Variants in TCF4 observed in about 807,000 individuals in gnomAD.
The protein encoded by TCF4 is SL3-3 enhancer factor 2.
Under a neutral mutation model 82.1 loss-of-function variants are expected in TCF4, and 3 were observed. The observed-to-expected ratio is 0.04, with a 90% CI of 0.02 to 0.09. The LOEUF is 0.09. Ranked by LOEUF, TCF4 falls within the 10% of genes least tolerant of loss-of-function variation. The pLI is 1.00. For synonymous variants in TCF4, 276 were observed against 309.6 expected (o/e 0.89, Z 1.14); for missense variants, 518 against 852.7 (o/e 0.61, Z 4.89).
chr18:55,321,802 CT>C, intron 8 of TCF4: 2 of 1,511,286 alleles, frequency 1.3e-6, no homozygotes, highest in African/African-American at 1.4e-5. Context: ...CTCGCTGTCC[CT>C]TTTTTCACAA....
Position 55,370,427 on chromosome 18 carries a change from TGATAGATAGATAGATA to T in TCF4, c.370-19440_370-19425del, listed in dbSNP as rs10566649. Among the ~76,000 whole-genome samples the T allele has an allele frequency of 3.1e-3, 452 of 145,072 alleles. 3 individuals carry two copies. The highest frequency in any genetic ancestry group is 1.0e-2 in the African/African-American group (388 of 38,864). ...GTAGGTATGTAGATAGATAGACAGA[TGATAGATAGATAGATA>T]GATAGATAGATAGATAGATAGATAG... On this transcript the variant is annotated intron_variant, in intron 6 of 19. Transcript: ENST00000354452.
In TCF4 at chr18:55,337,982, T is replaced by TC. The variant is rs549634553; in HGVS notation, c.549+12376dup. On this transcript the variant is annotated intron_variant, in intron 8 of 19. Transcript: ENST00000354452. The stretch of plus-strand genomic sequence containing the variant: ...GAAGCACAATAACAGCATCTACGGC[T>TC]CTTCCTAGGGCACTGAACTCTCACC... Among the ~76,000 whole-genome samples, 9 of 151,944 alleles carry TC rather than the reference T, an allele frequency of 5.9e-5. No individual in the cohort carries two copies. In the South Asian group the frequency reaches 1.9e-3, roughly 32 times the overall value.
intron 8 of TCF4, among the ~76,000 whole-genome samples, chr18:55,309,110 T>C (rs2071369818): frequency 1.3e-5 from 2 of 151,878 alleles, no homozygotes; most frequent in Non-Finnish European, 2.9e-5. Context: ...ATTATTATTA[T>C]TATCATTATT....
chr18:55,268,903 C>T (rs1233325503), intron 11 of TCF4: 2 of 152,226 alleles, frequency 1.3e-5, no homozygotes, highest in South Asian at 4.1e-4. Flanking sequence ...GCTATAACCG[C>T]AGAAAGTGAC....
chr18:55,344,860 T>C (rs377311464), intron 8 of TCF4, among the ~76,000 whole-genome samples: 9 of 152,084 alleles, frequency 5.9e-5, no homozygotes, highest in African/African-American at 2.2e-4. Flanking sequence ...TTTGTAAAGA[T>C]AAAGCAGGAA....
At chr18:55,576,861 C>G (rs916024850) in intron 3 of TCF4, among the ~76,000 whole-genome samples, 1 of 151,768 alleles carries the variant, frequency 6.6e-6, no homozygotes, top group African/African-American at 2.4e-5. Flanking sequence ...GGTTTTTTTG[C>G]AAAAGTTTTT....
At chr18:55,416,933 C>A (rs1360275029) in intron 5 of TCF4, among the ~76,000 whole-genome samples, 1 of 152,174 alleles carries the variant, frequency 6.6e-6, no homozygotes, top group Non-Finnish European at 1.5e-5. Context: ...CTTCATCCTG[C>A]AGCCTGGAGC....
chr18:55,298,991 T>A (rs1034562624), intron 8 of TCF4, among the ~76,000 whole-genome samples: 7 of 152,232 alleles, frequency 4.6e-5, no homozygotes, highest in Non-Finnish European at 8.8e-5. Context: ...ACTTAAGTTT[T>A]TTAGTTTCTA....
Position 55,254,673 on chromosome 18 carries a change from TTTCTAAACG to T in TCF4, c.1165_1173del (p.Glu391_Leu393del), listed in dbSNP as rs774620352. The T allele has an allele frequency of 6.2e-7, 1 of 1,612,554 alleles. No individual in the cohort carries two copies. Among genetic ancestry groups the T allele is most frequent in the African/African-American group, 1.3e-5 (1 of 74,884 alleles). ...AGAACATGAATAGCATCATCCAGTCTTTCTAAACGATCTTCAATTCGGCTTTGCTGTTGG... is the reference window on the plus strand; with the variant it reads ...AGAACATGAATAGCATCATCCAGTCTATCTTCAATTCGGCTTTGCTGTTGG... On this transcript the variant is annotated inframe_deletion, in exon 15 of 20. Coordinates refer to ENST00000354452, the MANE Select transcript of TCF4 (RefSeq NM_001083962.2).
chr18:55,560,762 A>G (rs2097348313), intron 3 of TCF4, among the ~76,000 whole-genome samples: 1 of 152,196 alleles, frequency 6.6e-6, no homozygotes, highest in South Asian at 2.1e-4. Flanking sequence ...GCCACCATCA[A>G]GCAGGATGAT....
chr18:55,392,050 G>A (rs1411624901), intron 6 of TCF4, among the ~76,000 whole-genome samples: 3 of 114,276 alleles, frequency 2.6e-5, no homozygotes, highest in Non-Finnish European at 5.0e-5. Context: ...TGCAACCTCC[G>A]CCTCCCAGGT....
chr18:55,244,400 G>C (rs2052384262), intron 15 of TCF4, among the ~76,000 whole-genome samples: 1 of 152,160 alleles, frequency 6.6e-6, no homozygotes, highest in Non-Finnish European at 1.5e-5. Flanking sequence ...AGCGCCTTGG[G>C]CTCTTGTATC....
intron 6 of TCF4, among the ~76,000 whole-genome samples, chr18:55,378,359 C>T (rs1414584510): frequency 1.3e-5 from 2 of 152,216 alleles, no homozygotes; most frequent in African/African-American, 2.4e-5. Context: ...GTCTTACATA[C>T]ATTAAATTAT....
intron 3 of TCF4, among the ~76,000 whole-genome samples, chr18:55,572,210 G>A (rs893578261): frequency 2.0e-5 from 3 of 152,138 alleles, no homozygotes; most frequent in Non-Finnish European, 1.5e-5. Context: ...ACAGATATCA[G>A]GATCCAACCC....
chr18:55,297,299 C>T (rs2066833813), intron 8 of TCF4, among the ~76,000 whole-genome samples: 2 of 145,016 alleles, frequency 1.4e-5, no homozygotes. Context: ...TAACAGAGCG[C>T]ATAGAGTCTG....
chr18:55,329,199 A>G (rs746346251), intron 8 of TCF4, among the ~76,000 whole-genome samples: 38 of 152,346 alleles, frequency 2.5e-4, no homozygotes, highest in Non-Finnish European at 4.7e-4. Context: ...CTCAAGGCCA[A>G]TCGATAGCCT....
chr18:55,413,163 A>T (rs906741907), intron 5 of TCF4, among the ~76,000 whole-genome samples: 4 of 152,196 alleles, frequency 2.6e-5, no homozygotes, highest in African/African-American at 9.7e-5. Flanking sequence ...CGGTATATAG[A>T]TATGTATAAT....
At chr18:55,613,695 C>T (rs1295556128) in intron 2 of TCF4, among the ~76,000 whole-genome samples, 1 of 152,198 alleles carries the variant, frequency 6.6e-6, no homozygotes, top group Non-Finnish European at 1.5e-5. Flanking sequence ...GTGTTACACA[C>T]TTCTGAACAG....
At chr18:55,355,146 C>T (rs541445948) in intron 6 of TCF4, among the ~76,000 whole-genome samples, 1 of 152,142 alleles carries the variant, frequency 6.6e-6, no homozygotes, top group East Asian at 1.9e-4. Flanking sequence ...CTCTATAAAG[C>T]CAGGATTTTT....
Sources: gnomAD v4.1 joint callset for allele counts (sites outside exome capture counted in the v4.1 genomes callset) on GRCh38, gnomAD v4.1.1 for gene constraint, MANE v1.5 for transcripts, NCBI Gene and HGNC (gene_info 2026-07-23, HGNC 2026-07-21) for gene names.